SEMA6C: variants seen among roughly 807,000 people sequenced by gnomAD.
SEMA6C encodes semaphorin 6C.
A neutral mutation model predicts 72.9 loss-of-function variants in SEMA6C; 37 were observed. The ratio of observed to expected loss-of-function variants is 0.51; its 90% CI spans 0.39 to 0.67. The LOEUF is 0.67. SEMA6C is among the 30% of genes least tolerant of loss of function. The pLI is 0.00. For missense variants in SEMA6C, 1,189 were observed against 1,263.6 expected (o/e 0.94, Z 0.89); for synonymous variants, 578 against 554.1 (o/e 1.04, Z -0.61).
chr1:151,133,943 C>T lies in SEMA6C; in HGVS notation c.1760-426G>A. 1 of 1,538,700 alleles carries T rather than the reference C, an allele frequency of 6.5e-7. No homozygotes were observed. On this transcript the variant is annotated intron_variant, in intron 18 of 18. Transcript: ENST00000368914. This position sits in a 1 kb window ranked among gnomAD's most constrained non-coding sequence, Gnocchi z 5.9. ...GCCCCACACTTCACTCCTATCTCTCCCAAGTAGCCCCCTTACCCCGAGTGT... is the reference window on the plus strand; with the variant it reads ...GCCCCACACTTCACTCCTATCTCTCTCAAGTAGCCCCCTTACCCCGAGTGT...
At chr1:151,140,722 C>T (rs777458684) in intron 3 of SEMA6C, among the ~76,000 whole-genome samples, 13 of 152,212 alleles carry the variant, frequency 8.5e-5, no homozygotes, top group East Asian at 1.9e-4. Flanking sequence ...CAGCTGGGAG[C>T]GGTGGCTCAC....
At chr1:151,137,955 A>T in intron 9 of SEMA6C, 31 bp downstream of exon 9, 1 of 1,605,474 alleles carries the variant, frequency 6.2e-7, no homozygotes, top group South Asian at 1.1e-5. Context: ...CCTCCCCAAT[A>T]ACAGTCTCCT....
Position 151,136,179 on chromosome 1 carries a change from G to T in SEMA6C, c.1107-16C>A, listed in dbSNP as rs370593018. ...GGATCCTGGCCTGGTGGGTGAATGG[G>T]AAGGGGCTGCCTTTGGACTGGGAGC... On this transcript the variant is annotated splice_polypyrimidine_tract_variant and intron_variant, in intron 12 of 18. Coordinates refer to ENST00000368914, the MANE Select transcript of SEMA6C (RefSeq NM_030913.6). 1.2e-6 allele frequency: 2 copies of T among 1,612,794 alleles called. No individual in the cohort carries two copies. The highest frequency in any genetic ancestry group is 2.7e-5 in the African/African-American group (2 of 74,854).
rs1682951192 is a variant in SEMA6C, at chr1:151,146,578, T to G, written c.-250A>C. 6.6e-6 allele frequency: 1 copy of G among 152,230 alleles called. No homozygotes were observed. The highest frequency in any genetic ancestry group is 1.5e-5 in the Non-Finnish European group (1 of 68,070). The allele number at this position is 152,230 out of a possible 1,614,324, so 9.4% of individuals were successfully genotyped here. Reference sequence around the variant, plus strand: ...TGCTTGAATTTGGGTTCCAGGGCGCTGTCGGGAGAGCCCTGGGTCCAAGTC... The same window carrying G: ...TGCTTGAATTTGGGTTCCAGGGCGCGGTCGGGAGAGCCCTGGGTCCAAGTC... On this transcript the variant is annotated 5_prime_UTR_variant, in exon 1 of 19. Transcript: ENST00000368914. This position sits in a 1 kb window ranked among gnomAD's most constrained non-coding sequence, Gnocchi z 4.6.
In SEMA6C at chr1:151,136,114, G is replaced by C. The variant is rs145530777; in HGVS notation, c.1156C>G (p.Arg386Gly). 1.9e-6 allele frequency: 3 copies of C among 1,613,928 alleles called. No individual in the cohort carries two copies. The highest frequency in any genetic ancestry group is 1.7e-6 in the Non-Finnish European group (2 of 1,180,020). ...VGGAALFSSS[R>G]DLPDDVLTFI... is the part of the protein sequence containing the mutation. ...GTCAGGACATCATCAGGGAGGTCTC[G>C]GGAAGAGGAGAACAAGGCAGCTCCC... The change falls in exon 13 of 19, where the codon CGA becomes GGA. Residue 386 changes from arginine to glycine, a missense_variant. This residue lies in a region of SEMA6C where 468 missense variants were observed against 577.4 expected (regional missense o/e 0.81). Transcript: ENST00000368914.
intron 3 of SEMA6C, among the ~76,000 whole-genome samples, chr1:151,141,469 G>A (rs1448682891): frequency 6.6e-6 from 1 of 152,106 alleles, no homozygotes; most frequent in Non-Finnish European, 1.5e-5. Flanking sequence ...GAGTGAAATG[G>A]CGCGATCTCG....
chr1:151,136,844 GCCTAGTACCAA>G lies in SEMA6C; in HGVS notation c.974+2_974+12del, dbSNP rs756983914. ...GGGACAGATTGGGTCACACTAGTCA[GCCTAGTACCAA>G]CCTATTGGTCTGGGTGGTGAAGACC... On this transcript the variant is annotated splice_donor_variant and splice_donor_5th_base_variant and intron_variant, in intron 11 of 18. Transcript: ENST00000368914. LOFTEE classifies it high-confidence loss of function. The G allele has an allele frequency of 1.2e-6, 2 of 1,609,688 alleles. No homozygotes were observed. The highest frequency in any genetic ancestry group is 1.7e-6 in the Non-Finnish European group (2 of 1,176,554).
Position 151,131,934 on chromosome 1 carries a change from G to T in SEMA6C, c.*550C>A. ...AACCTTTCCAGACTGCCCCCCGGCGGGACCGCAGCCATCCCATTACCCGGG... is the reference window on the plus strand; with the variant it reads ...AACCTTTCCAGACTGCCCCCCGGCGTGACCGCAGCCATCCCATTACCCGGG... On this transcript the variant is annotated 3_prime_UTR_variant, in exon 19 of 19. Transcript: ENST00000368914. 4.5e-6 allele frequency: 1 copy of T among 221,466 alleles called. No homozygotes were observed. Among genetic ancestry groups the T allele is most frequent in the Non-Finnish European group, 9.3e-6 (1 of 107,974 alleles). The allele number at this position is 221,466 out of a possible 1,614,324, so 13.7% of individuals were successfully genotyped here.
In SEMA6C at chr1:151,131,967, A is replaced by C; in HGVS notation, c.*517T>G. ...GCCATCCCATTACCCGGGAGAGCCC[A>C]GGGCCCAGATGAAGGCAGAGAGCGA... is the stretch of plus-strand genomic sequence containing the variant. On this transcript the variant is annotated 3_prime_UTR_variant, in exon 19 of 19. Transcript: ENST00000368914. 2 of 268,390 alleles carry C rather than the reference A, an allele frequency of 7.5e-6. No individual in the cohort carries two copies. The highest frequency in any genetic ancestry group is 7.4e-6 in the Non-Finnish European group (1 of 135,604). The allele number at this position is 268,390 out of a possible 1,614,324, so 16.6% of individuals were successfully genotyped here. A position where few individuals can be genotyped will look rare whatever the true frequency, so the allele number is the denominator to read the frequency against.
intron 17 of SEMA6C, 23 bp downstream of exon 17, chr1:151,134,597 C>T: frequency 3.1e-6 from 5 of 1,613,958 alleles, no homozygotes; most frequent in Non-Finnish European, 4.2e-6. Flanking sequence ...TTGGCTGCAA[C>T]AGCAGCTGCC....
At position 151,133,426 on chromosome 1, in the gene SEMA6C, G is replaced by A. The variant is rs1227403496; in HGVS notation, c.1851C>T (p.Gly617=). 6.3e-7 allele frequency: 1 copy of A among 1,588,204 alleles called. No individual in the cohort carries two copies. The part of the protein sequence containing the change: ...LASVAAAFAL[G]ASVSGLLVSC... ...AGACCAGGAGGCCAGAGACTGAGGC[G>A]CCCAGGGCAAAAGCTGCGGCCACAC... Residue 617 remains glycine, a synonymous_variant, in exon 19 of 19, where the codon GGC becomes GGT. Transcript: ENST00000368914. The surrounding 1 kb of genome is among the most constrained non-coding windows in gnomAD (Gnocchi z 5.9).
rs1681766399 is a variant in SEMA6C at position 151,133,609 on chromosome 1, A to C, written c.1760-92T>G. On this transcript the variant is annotated intron_variant, in intron 18 of 18. Coordinates refer to ENST00000368914, the MANE Select transcript of SEMA6C (RefSeq NM_030913.6). This position sits in a 1 kb window ranked among gnomAD's most constrained non-coding sequence, Gnocchi z 5.9. ...GGCGCCGGCAGTTCCCAGGCCTGAC[A>C]TCATCGTCCCTCCCGCTGCTACTCA... is the stretch of plus-strand genomic sequence containing the variant. 7.0e-7 allele frequency: 1 copy of C among 1,433,068 alleles called. No individual in the cohort carries two copies. Among genetic ancestry groups the C allele is most frequent in the African/African-American group, 1.4e-5 (1 of 69,302 alleles). 88.8% of individuals were successfully genotyped at this position (1,433,068 alleles called of 1,614,324 possible). A position where few individuals can be genotyped will look rare whatever the true frequency, so the allele number is the denominator to read the frequency against.
At chr1:151,141,874 C>T (rs1335483427) in intron 3 of SEMA6C, among the ~76,000 whole-genome samples, 1 of 151,946 alleles carries the variant, frequency 6.6e-6, no homozygotes, top group Non-Finnish European at 1.5e-5. Flanking sequence ...CTTCCTGCCT[C>T]AGCCTCCTGA....
rs1268394831 is a variant in SEMA6C at position 151,133,094 on chromosome 1, G to T, written c.2183C>A (p.Ala728Asp). ...PWEWNQNRNNAKEGPGRSRGG... is the reference protein window; with the variant it reads ...PWEWNQNRNNDKEGPGRSRGG... ...CCGTGAGCGGCCCGGACCCTCCTTG[G>T]CGTTGTTCCTGTTCTGGTTCCACTC... Residue 728 changes from alanine to aspartate, a missense_variant, in exon 19 of 19, where the codon GCC becomes GAC. By Grantham distance (126) the Ala-to-Asp change is moderately radical. Coordinates refer to ENST00000368914, the MANE Select transcript of SEMA6C (RefSeq NM_030913.6). This position sits in a 1 kb window ranked among gnomAD's most constrained non-coding sequence, Gnocchi z 5.9. 2 of 1,559,382 alleles carry T rather than the reference G, an allele frequency of 1.3e-6. No homozygotes were observed.
rs758473416 is a variant in SEMA6C at position 151,138,428 on chromosome 1, G to A, written c.457-22C>T. ...TTATCTGAGGGCAGAGGGAGCAGAT[G>A]CCTGGAACCTTTAGGGTCTTGGAGT... On this transcript the variant is annotated intron_variant, in intron 7 of 18. Transcript: ENST00000368914. The A allele has an allele frequency of 2.9e-5, 46 of 1,604,278 alleles. No homozygotes were observed. The African/African-American group carries it at 5.4e-4, about 19-fold the overall frequency.
intron 13 of SEMA6C, 118 bp downstream of exon 13, chr1:151,135,893 C>G (rs1681981887): frequency 6.6e-7 from 1 of 1,525,680 alleles, no homozygotes; most frequent in Non-Finnish European, 8.9e-7. Flanking sequence ...TCTTAGCTCT[C>G]TCCCTTCTAC....
Position 151,132,302 on chromosome 1 carries a change from G to C in SEMA6C, c.*182C>G. On this transcript the variant is annotated 3_prime_UTR_variant, in exon 19 of 19. Coordinates refer to ENST00000368914, the MANE Select transcript of SEMA6C (RefSeq NM_030913.6). ...GCTTCTCACCTCCCACTCTTCTGTC[G>C]AGGACAGGGGGAAAGACAGTCAATA... The C allele has an allele frequency of 6.5e-7, 1 of 1,536,520 alleles. No individual in the cohort carries two copies. Among genetic ancestry groups the C allele is most frequent in the Non-Finnish European group, 8.7e-7 (1 of 1,145,682 alleles).
At position 151,134,673 on chromosome 1, in the gene SEMA6C, G is replaced by C. The variant is rs748451995; in HGVS notation, c.1661C>G (p.Thr554Ser). Residue 554 changes from threonine (T) to serine (S), a missense_variant and splice_region_variant, in exon 17 of 19, where the codon ACT (threonine) becomes AGT (serine). Physicochemically the swap from Thr to Ser is moderately conservative, Grantham distance 58. Around this residue, in one of 2 missense-constraint regions of SEMA6C, gnomAD observed 721 missense variants for 686.2 expected, o/e 1.05. Transcript: ENST00000368914. ...CTGGTTCCCAGCCTGATCCACATCAGTCCTAGGAGGAAAACGAAGTGGCTA... is the reference window on the plus strand; with the variant it reads ...CTGGTTCCCAGCCTGATCCACATCACTCCTAGGAGGAAAACGAAGTGGCTA... ...GCVDIRGSGG[T>S]DVDQAGNQES... is the part of the protein sequence containing the mutation. 1.9e-6 allele frequency: 3 copies of C among 1,614,132 alleles called. No individual in the cohort carries two copies. The East Asian group carries it at 6.7e-5, about 36-fold the overall frequency.
Position 151,134,431 on chromosome 1 carries a change from T to G in SEMA6C, c.1729A>C (p.Ser577Arg). 6.3e-7 allele frequency: 1 copy of G among 1,599,310 alleles called. No individual in the cohort carries two copies. The highest frequency in any genetic ancestry group is 8.5e-7 in the Non-Finnish European group (1 of 1,172,552). ...GCAGAATCCCCAGGGCCAGACTGAC[T>G]CCCAGTAGCTCCATCTATGAAGAAG... ...HGDCQDGATG[S>R]QSGPGDSAYG... The change falls in exon 18 of 19, where the codon AGT becomes CGT. Residue 577 changes from serine (S) to arginine (R), a missense_variant. Physicochemically the swap from Ser to Arg is moderately radical, Grantham distance 110. Coordinates refer to ENST00000368914, the MANE Select transcript of SEMA6C (RefSeq NM_030913.6).
Sources: gnomAD v4.1 joint callset for allele counts (sites outside exome capture counted in the v4.1 genomes callset) on GRCh38, gnomAD v4.1.1 for gene constraint, gnomAD v4.1.1 regional missense constraint, Gnocchi (gnomAD v3.1) non-coding constraint, MANE v1.5 for transcripts, NCBI Gene and HGNC (gene_info 2026-07-23, HGNC 2026-07-21) for gene names.